Variants in PCDH7 observed in about 807,000 individuals in gnomAD.
PCDH7 encodes protocadherin 7.
Under a neutral mutation model 58.9 loss-of-function variants are expected in PCDH7, and 17 were observed. The observed-to-expected ratio is 0.29, with a 90% CI of 0.20 to 0.43. PCDH7 has a LOEUF of 0.43. PCDH7 is among the 20% of genes least tolerant of loss of function. PCDH7 has a pLI of 1.00. For synonymous variants in PCDH7, 664 were observed against 616.4 expected, an observed-to-expected ratio of 1.08 and a Z score of -1.14; for missense variants, 1,274 against 1,441.0, an observed-to-expected ratio of 0.88 and a Z score of 1.88.
intron 2 of PCDH7, chr4:30,925,949 G>T (rs1354971699): frequency 1.3e-5 from 2 of 152,146 alleles, no homozygotes; most frequent in Admixed American, 6.5e-5. Flanking sequence ...GAAATCTGAT[G>T]ACCTCAGTTT....
At chr4:30,820,963 A>T (rs1212633075) in intron 1 of PCDH7, among the ~76,000 whole-genome samples, 1 of 151,500 alleles carries the variant, frequency 6.6e-6, no homozygotes, top group Non-Finnish European at 1.5e-5. Context: ...TGCCTCATTT[A>T]AAAAAAATGA....
chr4:31,074,949 C>G (rs978482073), intron 3 of PCDH7, among the ~76,000 whole-genome samples: 3 of 151,926 alleles, frequency 2.0e-5, no homozygotes, highest in Non-Finnish European at 4.4e-5. Context: ...TCCTCCTACT[C>G]TAGTATATAA....
chr4:30,972,060 G>A (rs1039846603), intron 3 of PCDH7, among the ~76,000 whole-genome samples: 5 of 152,162 alleles, frequency 3.3e-5, no homozygotes, highest in Admixed American at 2.6e-4. Flanking sequence ...TTAACATTTA[G>A]GGAGCACCTA....
chr4:30,999,589 T>C (rs1752183606), intron 3 of PCDH7, among the ~76,000 whole-genome samples: 1 of 152,070 alleles, frequency 6.6e-6, no homozygotes, highest in Non-Finnish European at 1.5e-5. Context: ...AAATAGTTAC[T>C]AAGGGAGTGC....
At chr4:31,081,349 T>C (rs948294917) in intron 3 of PCDH7, among the ~76,000 whole-genome samples, 1 of 152,216 alleles carries the variant, frequency 6.6e-6, no homozygotes, top group African/African-American at 2.4e-5. Context: ...GTGGACCACA[T>C]TTTATACTAC....
At chr4:31,038,721 T>C (rs986384498) in intron 3 of PCDH7, among the ~76,000 whole-genome samples, 1 of 152,216 alleles carries the variant, frequency 6.6e-6, no homozygotes, top group Non-Finnish European at 1.5e-5. Context: ...TTTCAATTTA[T>C]GTTGTATGTT....
intron 1 of PCDH7, among the ~76,000 whole-genome samples, chr4:30,918,260 T>C (rs964632121): frequency 1.3e-5 from 2 of 152,076 alleles, no homozygotes; most frequent in Non-Finnish European, 2.9e-5. Context: ...AATGTGGTTT[T>C]AGGAGACTGT....
chr4:30,854,303 T>A (rs138217923), intron 1 of PCDH7, among the ~76,000 whole-genome samples: 27 of 147,838 alleles, frequency 1.8e-4, no homozygotes, highest in African/African-American at 1.8e-4. Flanking sequence ...ACATACTAGA[T>A]GCCAGTAGTA....
chr4:31,002,950 C>A (rs1044551542), intron 3 of PCDH7, among the ~76,000 whole-genome samples: 1 of 152,148 alleles, frequency 6.6e-6, no homozygotes, highest in Non-Finnish European at 1.5e-5. Flanking sequence ...TTTTAATTAG[C>A]CTAAACTTTA....
intron 3 of PCDH7, among the ~76,000 whole-genome samples, chr4:31,030,939 C>T (rs1455552774): frequency 1.3e-5 from 2 of 152,054 alleles, no homozygotes; most frequent in African/African-American, 4.8e-5. Flanking sequence ...AGGGCATTTT[C>T]CCAAGAAAGC....
At chr4:31,092,438 A>G (rs1713377213) in intron 3 of PCDH7, among the ~76,000 whole-genome samples, 1 of 151,956 alleles carries the variant, frequency 6.6e-6, no homozygotes, top group African/African-American at 2.4e-5. Flanking sequence ...CTCTGAAACT[A>G]TTTGTTGTAT....
chr4:30,938,506 G>T (rs28513899), intron 2 of PCDH7, among the ~76,000 whole-genome samples: 1 of 145,232 alleles, frequency 6.9e-6, no homozygotes, highest in South Asian at 2.2e-4. Flanking sequence ...ACACACACAC[G>T]CACACACTCA....
intron 3 of PCDH7, among the ~76,000 whole-genome samples, chr4:31,101,354 G>T (rs1389147900): frequency 6.6e-6 from 1 of 152,122 alleles, no homozygotes; most frequent in Admixed American, 6.6e-5. Context: ...TATAAAAAAA[G>T]ATTTTTTTCA....
intron 1 of PCDH7, among the ~76,000 whole-genome samples, chr4:30,748,741 A>T (rs899839157): frequency 6.6e-6 from 1 of 152,102 alleles, no homozygotes; most frequent in South Asian, 2.1e-4. Context: ...TTGACATCCT[A>T]TGTGATATTG....
intron 1 of PCDH7, among the ~76,000 whole-genome samples, chr4:30,846,812 T>C (rs894537385): frequency 5.9e-5 from 9 of 152,150 alleles, no homozygotes; most frequent in Non-Finnish European, 1.3e-4. Context: ...GTTCTATGTG[T>C]AGAAATCAGG....
intron 1 of PCDH7, among the ~76,000 whole-genome samples, chr4:30,871,345 T>C (rs993661515): frequency 6.6e-6 from 1 of 152,086 alleles, no homozygotes; most frequent in Non-Finnish European, 1.5e-5. Flanking sequence ...TTTTTTCATC[T>C]TGTGGCTCCA....
At chr4:31,089,531 G>C (rs915148919) in intron 3 of PCDH7, among the ~76,000 whole-genome samples, 1 of 151,908 alleles carries the variant, frequency 6.6e-6, no homozygotes. Flanking sequence ...ATAAAATGCT[G>C]TATATTAGAT....
chr4:30,886,872 A>G (rs1440241039), intron 1 of PCDH7, among the ~76,000 whole-genome samples: 5 of 147,610 alleles, frequency 3.4e-5, no homozygotes, highest in Non-Finnish European at 7.4e-5. Context: ...CTATTGCAAG[A>G]ACAAAAAACC....
chr4:30,998,565 A>G (rs1202967525), intron 3 of PCDH7, among the ~76,000 whole-genome samples: 1 of 152,090 alleles, frequency 6.6e-6, no homozygotes. Context: ...AAAAATGCCA[A>G]TTTTTATGGG....
Sources: gnomAD v4.1 joint callset for allele counts (sites outside exome capture counted in the v4.1 genomes callset) on GRCh38, gnomAD v4.1.1 for gene constraint, MANE v1.5 for transcripts, NCBI Gene and HGNC (gene_info 2026-07-23, HGNC 2026-07-21) for gene names.